The following LRP1B variants were observed in gnomAD, a reference collection of about 807,000 sequenced individuals.
LRP1B encodes LDL receptor related protein 1B, also known as low-density lipoprotein receptor-related protein 1B.
A neutral mutation model predicts 556.6 loss-of-function variants in LRP1B; 217 were observed. The ratio of observed to expected loss-of-function variants is 0.39; its 90% CI spans 0.35 to 0.44. LRP1B has a LOEUF of 0.44. Among genes scored for constraint, LRP1B ranks in the 20% least tolerant of loss-of-function variants. LRP1B has a pLI of 1.00. For missense variants in LRP1B, 5,053 were observed against 5,620.8 expected (o/e 0.90, Z 3.23); for synonymous variants, 2,047 against 1,865.8 (o/e 1.10, Z -2.50).
intron 59 of LRP1B, among the ~76,000 whole-genome samples, chr2:140,476,209 T>C (rs1687967903): frequency 6.6e-6 from 1 of 152,044 alleles, no homozygotes; most frequent in South Asian, 2.1e-4. Context: ...TACTTTATGT[T>C]TTAGATGTTT....
At chr2:141,837,398 G>A (rs901743870) in intron 1 of LRP1B, among the ~76,000 whole-genome samples, 4 of 151,710 alleles carry the variant, frequency 2.6e-5, no homozygotes, top group East Asian at 1.9e-4. Context: ...TCTTATCCTC[G>A]AACTCATTCC....
At chr2:142,079,890 T>C (rs1365140109) in intron 1 of LRP1B, among the ~76,000 whole-genome samples, 3 of 152,108 alleles carry the variant, frequency 2.0e-5, no homozygotes. Context: ...AACTAACAGG[T>C]TTTCAACAAG....
intron 1 of LRP1B, among the ~76,000 whole-genome samples, chr2:141,946,663 G>C (rs1482585930): frequency 3.3e-5 from 5 of 152,162 alleles, no homozygotes; most frequent in African/African-American, 1.2e-4. Context: ...ATTTTCAATA[G>C]TTTTGGGGCT....
chr2:142,123,114 T>C (rs1191986596), intron 1 of LRP1B, among the ~76,000 whole-genome samples: 1 of 152,022 alleles, frequency 6.6e-6, no homozygotes, highest in African/African-American at 2.4e-5. Flanking sequence ...TCTAAACACA[T>C]TTCGGTTATC....
intron 31 of LRP1B, among the ~76,000 whole-genome samples, chr2:140,818,278 A>G (rs1429333): frequency 0.44 from 66,933 of 151,976 alleles, 16,701 homozygotes; most frequent in East Asian, 0.58. Flanking sequence ...AAAATCTTCT[A>G]AATATTCTTT....
At chr2:141,782,152 T>A (rs990834978) in intron 2 of LRP1B, among the ~76,000 whole-genome samples, 12 of 152,230 alleles carry the variant, frequency 7.9e-5, no homozygotes, top group African/African-American at 2.6e-4. Context: ...AGTACGCCAT[T>A]CCCACTGGGT....
At chr2:140,243,818 C>G (rs1681049407) in intron 87 of LRP1B, among the ~76,000 whole-genome samples, 1 of 151,084 alleles carries the variant, frequency 6.6e-6, no homozygotes. Flanking sequence ...GTTGTTGTAC[C>G]TGCTGTTCTT....
intron 2 of LRP1B, among the ~76,000 whole-genome samples, chr2:141,624,036 C>CAAAAAAAAAAAAAAAAAAAGAAAAAAAAA: frequency 2.2e-5 from 2 of 90,756 alleles, no homozygotes; most frequent in African/African-American, 4.1e-5. Flanking sequence ...AAAAATTAAA[C>CAAAAAAAAAAAAAAAAAAAGAAAAAAAAA]AAAAAAAAAA....
intron 32 of LRP1B, among the ~76,000 whole-genome samples, chr2:140,806,199 C>G (rs1690708571): frequency 6.6e-6 from 1 of 152,080 alleles, no homozygotes; most frequent in Non-Finnish European, 1.5e-5. Flanking sequence ...GCCTCCAGAA[C>G]TGTGAGAAAT....
intron 81 of LRP1B, among the ~76,000 whole-genome samples, chr2:140,322,865 G>T (rs1221138462): frequency 6.6e-6 from 1 of 151,628 alleles, no homozygotes; most frequent in African/African-American, 2.4e-5. Flanking sequence ...TTCAAGACAG[G>T]GTTTTGTCTA....
At chr2:142,058,123 G>C (rs1245000561) in intron 1 of LRP1B, among the ~76,000 whole-genome samples, 1 of 152,112 alleles carries the variant, frequency 6.6e-6, no homozygotes, top group East Asian at 1.9e-4. Flanking sequence ...TTAACGTATA[G>C]AAATAATACC....
intron 11 of LRP1B, among the ~76,000 whole-genome samples, chr2:141,029,351 T>C (rs986946188): frequency 6.6e-5 from 10 of 152,234 alleles, no homozygotes; most frequent in Non-Finnish European, 1.0e-4. Flanking sequence ...TTTATGGGTA[T>C]TGGGAGAGGC....
chr2:141,454,933 T>C (rs1484404914), intron 3 of LRP1B, among the ~76,000 whole-genome samples: 1 of 152,192 alleles, frequency 6.6e-6, no homozygotes, highest in African/African-American at 2.4e-5. Flanking sequence ...ATCTCTTTTA[T>C]ATACAATATC....
intron 2 of LRP1B, among the ~76,000 whole-genome samples, chr2:141,509,374 A>C (rs1289010893): frequency 6.6e-6 from 1 of 152,186 alleles, no homozygotes; most frequent in Admixed American, 6.6e-5. Context: ...CCTGTCTGGT[A>C]AACAGTAATC....
intron 2 of LRP1B, among the ~76,000 whole-genome samples, chr2:141,624,766 T>G (rs1688641699): frequency 6.6e-6 from 1 of 152,192 alleles, no homozygotes; most frequent in African/African-American, 2.4e-5. Flanking sequence ...ATGTATTTAT[T>G]TATTTTTTAT....
chr2:141,225,944 T>C (rs1683228817), intron 6 of LRP1B, among the ~76,000 whole-genome samples: 1 of 152,150 alleles, frequency 6.6e-6, no homozygotes, highest in Admixed American at 6.6e-5. Flanking sequence ...GGCCTGTCTT[T>C]GTAAGCCAAC....
At chr2:141,812,152 G>A (rs1696379689) in intron 1 of LRP1B, among the ~76,000 whole-genome samples, 1 of 152,084 alleles carries the variant, frequency 6.6e-6, no homozygotes, top group Admixed American at 6.6e-5. Context: ...TTGAATGCTA[G>A]AGGAGGAGGG....
In LRP1B at chr2:140,335,618, C is replaced by T. The variant is rs1360280363; in HGVS notation, c.12113G>A (p.Arg4038Lys). 1.3e-6 allele frequency: 2 copies of T among 1,583,120 alleles called. No homozygotes were observed. Among genetic ancestry groups the T allele is most frequent in the East Asian group, 2.2e-5 (1 of 44,660 alleles). Residue 4038 changes from arginine (R) to lysine (K), a missense_variant, in exon 78 of 91, where the codon AGA becomes AAA. Transcript: ENST00000389484. ...AAATACTAAGCCATTAACCTACCCT[C>T]TTTTAGGATTTACTGCAATAGCATA... Reference protein sequence around the residue: ...EPYAIAVNPKRGMMYWTVVGD... With the variant: ...EPYAIAVNPKKGMMYWTVVGD...
At chr2:141,125,027 A>C (rs1045111122) in intron 7 of LRP1B, among the ~76,000 whole-genome samples, 1 of 152,312 alleles carries the variant, frequency 6.6e-6, no homozygotes, top group Admixed American at 6.5e-5. Flanking sequence ...TTAGAAAATA[A>C]TAAAACAAAA....
Sources: gnomAD v4.1 joint callset for allele counts (sites outside exome capture counted in the v4.1 genomes callset) on GRCh38, gnomAD v4.1.1 for gene constraint, MANE v1.5 for transcripts, NCBI Gene and HGNC (gene_info 2026-07-23, HGNC 2026-07-21) for gene names.